The following PCGF5 variants were observed in gnomAD, a reference collection of about 807,000 sequenced individuals.
The protein encoded by PCGF5 is polycomb group RING finger protein 5.
In PCGF5, 9 loss-of-function variants were observed where a neutral mutation model predicts 44.3. The observed-to-expected ratio is 0.20, with a 90% CI of 0.12 to 0.35. PCGF5 has a LOEUF of 0.35. PCGF5 is among the 10% of genes least tolerant of loss of function. PCGF5 has a pLI of 1.00. For missense variants in PCGF5, 146 were observed against 305.3 expected (o/e 0.48, Z 3.89); for synonymous variants, 95 against 102.5 (o/e 0.93, Z 0.44).
chr10:91,177,593 G>C (rs1843733184), intron 1 of PCGF5, among the ~76,000 whole-genome samples: 1 of 152,194 alleles, frequency 6.6e-6, no homozygotes, highest in African/African-American at 2.4e-5. Context: ...ACCTACTCAA[G>C]CCTCAGCAAT....
At chr10:91,238,564 A>T in intron 2 of PCGF5, among the ~76,000 whole-genome samples, 1 of 137,722 alleles carries the variant, frequency 7.3e-6, no homozygotes, top group Non-Finnish European at 1.6e-5. Context: ...TCAGGCTTTT[A>T]AAATCCCTCC....
chr10:91,190,303 G>T (rs1354275701), intron 1 of PCGF5, among the ~76,000 whole-genome samples: 3 of 152,194 alleles, frequency 2.0e-5, no homozygotes, highest in Non-Finnish European at 4.4e-5. Flanking sequence ...TGGGGGTTAA[G>T]ATTTCAACAT....
At position 91,232,634 on chromosome 10, in the gene PCGF5, A is replaced by C. The variant is rs548931206; in HGVS notation, c.113-7850A>C. On this transcript the variant is annotated intron_variant, in intron 2 of 9. Coordinates refer to ENST00000336126, the MANE Select transcript of PCGF5 (RefSeq NM_032373.5). Reference sequence around the variant, plus strand: ...GGTGACAGGATCTGGCATATAGGGCAGAGGATGGCTTTAGATAGGTACATG... The same window carrying C: ...GGTGACAGGATCTGGCATATAGGGCCGAGGATGGCTTTAGATAGGTACATG... Among the ~76,000 whole-genome samples, 5 of 152,342 alleles carry C rather than the reference A, an allele frequency of 3.3e-5. No individual in the cohort carries two copies. In the South Asian group the frequency reaches 1.0e-3, roughly 32 times the overall value.
upstream of PCGF5, among the ~76,000 whole-genome samples, chr10:91,217,634 C>T (rs1005251060): frequency 1.3e-5 from 2 of 152,194 alleles, no homozygotes; most frequent in African/African-American, 4.8e-5. Flanking sequence ...TACTCAAATG[C>T]AGCAGTTATC....
intron 9 of PCGF5, among the ~76,000 whole-genome samples, 171 bp downstream of exon 9, chr10:91,271,868 T>C (rs1202286938): frequency 6.6e-6 from 1 of 152,246 alleles, no homozygotes; most frequent in African/African-American, 2.4e-5. Context: ...TTAGTTCTCC[T>C]GAATTATCTA....
intron 6 of PCGF5, among the ~76,000 whole-genome samples, chr10:91,251,676 T>G (rs760039651): frequency 1.3e-4 from 20 of 152,124 alleles, no homozygotes; most frequent in Middle Eastern, 3.4e-3. Flanking sequence ...CACACCTCTG[T>G]TTCTCCTTTT....
the PCGF5 span, among the ~76,000 whole-genome samples, chr10:91,156,229 A>G: frequency 1.3e-5 from 2 of 152,198 alleles, no homozygotes; most frequent in Non-Finnish European, 2.9e-5. Flanking sequence ...GGTGTGCCAC[A>G]TACAAGGCAG....
At chr10:91,229,004 G>A (rs1299790650) in intron 2 of PCGF5, among the ~76,000 whole-genome samples, 1 of 152,190 alleles carries the variant, frequency 6.6e-6, no homozygotes, top group Non-Finnish European at 1.5e-5. Context: ...AAAGTAGGCA[G>A]TTTGTATTTT....
chr10:91,207,746 C>CATTT (rs1844373111), intron 1 of PCGF5, among the ~76,000 whole-genome samples: 1 of 152,028 alleles, frequency 6.6e-6, no homozygotes, highest in African/African-American at 2.4e-5. Flanking sequence ...AAGTGTAGGC[C>CATTT]ATTTGTTTTG....
intron 1 of PCGF5, among the ~76,000 whole-genome samples, chr10:91,184,126 A>C (rs778356534): frequency 6.6e-6 from 1 of 152,100 alleles, no homozygotes; most frequent in Admixed American, 6.6e-5. Flanking sequence ...GGTTGGGTAC[A>C]TTCTCATGGA....
chr10:91,198,033 C>G (rs913071380), intron 1 of PCGF5, among the ~76,000 whole-genome samples: 1 of 152,198 alleles, frequency 6.6e-6, no homozygotes, highest in Non-Finnish European at 1.5e-5. Flanking sequence ...CGTGCCCTCA[C>G]AGAGCTTACA....
intron 1 of PCGF5, among the ~76,000 whole-genome samples, chr10:91,182,810 A>G (rs781672759): frequency 4.6e-5 from 7 of 152,122 alleles, no homozygotes; most frequent in Non-Finnish European, 1.5e-5. Context: ...ATTCTGGTAC[A>G]TTGTATCTTT....
At position 91,274,785 on chromosome 10, in the gene PCGF5, C is replaced by T. The variant is rs142695368; in HGVS notation, c.723+3088C>T. ...GAGCACTGAAGCCTGAGGCAACACACTGCAAAGGCCCTGAGAATTGATTAT... is the reference window on the plus strand; with the variant it reads ...GAGCACTGAAGCCTGAGGCAACACATTGCAAAGGCCCTGAGAATTGATTAT... On this transcript the variant is annotated intron_variant, in intron 9 of 9. Transcript: ENST00000336126. 1.6e-3 allele frequency among the ~76,000 whole-genome samples: 241 copies of T among 152,254 alleles called. 1 individual carries two copies. Among genetic ancestry groups the T allele is most frequent in the African/African-American group, 5.7e-3 (236 of 41,544 alleles).
At chr10:91,174,101 G>GTGGC (rs1319612395) in intron 1 of PCGF5, among the ~76,000 whole-genome samples, 1 of 150,594 alleles carries the variant, frequency 6.6e-6, no homozygotes, top group Non-Finnish European at 1.5e-5. Context: ...CTAACCTACA[G>GTGGC]TGGCCCAAGT....
At chr10:91,199,077 A>G (rs544138336) in intron 1 of PCGF5, among the ~76,000 whole-genome samples, 1 of 152,296 alleles carries the variant, frequency 6.6e-6, no homozygotes, top group East Asian at 1.9e-4. Flanking sequence ...TGTCTCTCCC[A>G]TTTTATTAAA....
intron 1 of PCGF5, among the ~76,000 whole-genome samples, chr10:91,208,117 G>T (rs12257267): frequency 0.077 from 11,707 of 152,104 alleles, 1,192 homozygotes; most frequent in African/African-American, 0.24. Context: ...GGAGATTCTT[G>T]CCTGAATCAA....
intron 3 of PCGF5, among the ~76,000 whole-genome samples, chr10:91,241,062 A>G (rs779419477): frequency 6.7e-6 from 1 of 148,376 alleles, no homozygotes; most frequent in Non-Finnish European, 1.5e-5. Flanking sequence ...TATAATATAT[A>G]TTTTATTTAT....
At chr10:91,268,814 C>T (rs1006419390) in intron 8 of PCGF5, among the ~76,000 whole-genome samples, 1 of 152,152 alleles carries the variant, frequency 6.6e-6, no homozygotes, top group African/African-American at 2.4e-5. Flanking sequence ...TTTCTATGGT[C>T]CCTGCCCTCT....
intron 8 of PCGF5, 110 bp downstream of exon 8, chr10:91,264,630 A>G (rs1439405483): frequency 6.1e-6 from 5 of 821,458 alleles, no homozygotes; most frequent in Admixed American, 2.7e-5. Context: ...GGGAAGGAGA[A>G]GAAACTGGTT....
Sources: gnomAD v4.1 joint callset for allele counts (sites outside exome capture counted in the v4.1 genomes callset) on GRCh38, gnomAD v4.1.1 for gene constraint, MANE v1.5 for transcripts, NCBI Gene and HGNC (gene_info 2026-07-23, HGNC 2026-07-21) for gene names.